Variants in KCP observed in about 807,000 individuals in gnomAD.
KCP encodes kielin cysteine rich BMP regulator, also known as kielin/chordin-like protein.
Under a neutral mutation model 212.7 loss-of-function variants are expected in KCP, and 194 were observed. The ratio of observed to expected loss-of-function variants is 0.91; its 90% CI spans 0.81 to 1.03. The LOEUF is 1.03. Among genes scored for constraint, KCP ranks in the 50% least tolerant of loss-of-function variants. The probability of loss-of-function intolerance (pLI) is 0.00; values close to 1 mark genes in which losing one functional copy is unlikely to be tolerated. For synonymous variants in KCP, 833 were observed against 865.3 expected (o/e 0.96, Z 0.65); for missense variants, 2,080 against 2,162.5 (o/e 0.96, Z 0.76).
At position 128,884,745 on chromosome 7, in the gene KCP, G is replaced by A. The variant is rs772365971; in HGVS notation, c.3123+36C>T. ...CCCATGCTGCCCACTCCCCCCCGAC[G>A]AGGTGCCCCAGCCCCACCACTGTGC... On this transcript the variant is annotated intron_variant, in intron 28 of 39. Transcript: ENST00000610776. The A allele has an allele frequency of 3.9e-6, 6 of 1,541,592 alleles. No homozygotes were observed. The Admixed American group carries it at 7.8e-5, about 20-fold the overall frequency.
chr7:128,890,845 CCGGGG>C (rs1055983437), intron 20 of KCP, 55 bp downstream of exon 20: 45 of 1,197,450 alleles, frequency 3.8e-5, no homozygotes, highest in South Asian at 7.4e-5. Flanking sequence ...GCAGGGCGCT[CCGGGG>C]CGGGGCGGGG....
chr7:128,898,712 ATTGTT>A (rs1794669008), intron 8 of KCP, among the ~76,000 whole-genome samples: 1 of 152,210 alleles, frequency 6.6e-6, no homozygotes, highest in South Asian at 2.1e-4. Context: ...GAGTTAAAGG[ATTGTT>A]TTAAGTTAGA....
intron 8 of KCP, among the ~76,000 whole-genome samples, chr7:128,900,739 A>G (rs1208661926): frequency 1.3e-5 from 2 of 152,218 alleles, no homozygotes; most frequent in African/African-American, 4.8e-5. Flanking sequence ...GCACCTCTGT[A>G]CCCTGAACAC....
Position 128,882,314 on chromosome 7 carries a change from G to A in KCP, c.3245-298C>T, listed in dbSNP as rs149254725. Among the ~76,000 whole-genome samples, 391 of 152,250 alleles carry A rather than the reference G, an allele frequency of 2.6e-3. 2 individuals are homozygous for A. Among genetic ancestry groups the A allele is most frequent in the African/African-American group, 9.1e-3 (379 of 41,540 alleles). On this transcript the variant is annotated intron_variant, in intron 29 of 39. Transcript: ENST00000610776. ...AGGTCACTAAAAATGGCCAGTCTGC[G>A]GCCTGCTCTCCCTCCCGCTATCTGT...
intron 7 of KCP, chr7:128,903,314 C>A (rs1794956605): frequency 3.5e-6 from 1 of 282,276 alleles, no homozygotes; most frequent in South Asian, 5.5e-5. Flanking sequence ...CTCCTGTGCC[C>A]AGGCTGGATT....
At chr7:128,886,375 A>C in intron 26 of KCP, 89 bp downstream of exon 26, 3 of 1,097,474 alleles carry the variant, frequency 2.7e-6, no homozygotes, top group Non-Finnish European at 3.9e-6. Context: ...AGGTGGGAGA[A>C]GAGCTGGCTG....
chr7:128,881,964 T>G lies in KCP; in HGVS notation c.3297A>C (p.Pro1099=), dbSNP rs1186384681. Residue 1099 remains proline, a synonymous_variant, in exon 30 of 40, where the codon CCA becomes CCC. Transcript: ENST00000610776. The part of the protein sequence containing the change: ...EGLLGSELAP[P]DPCYTCQCQD... ...GGCACTGGCACGTGTAGCAGGGGTC[T>G]GGTGGGGCTAGCTCAGATCCCAGCA... is the stretch of plus-strand genomic sequence containing the variant. 2 of 1,551,312 alleles carry G rather than the reference T, an allele frequency of 1.3e-6. No homozygotes were observed. The highest frequency in any genetic ancestry group is 2.0e-5 in the Admixed American group (1 of 50,988).
Position 128,886,617 on chromosome 7 carries a change from T to A in KCP, c.2772+38A>T, listed in dbSNP as rs1261194029. 1.9e-6 allele frequency: 3 copies of A among 1,550,504 alleles called. No individual in the cohort carries two copies. The African/African-American group carries it at 4.1e-5, about 21-fold the overall frequency. The stretch of plus-strand genomic sequence containing the variant: ...AGGCTGGGGCCCAGAGGTGCTATGG[T>A]CCAGCTGTCACTCCACACCCCCCAC... On this transcript the variant is annotated intron_variant, in intron 25 of 39. Transcript: ENST00000610776.
chr7:128,880,456 G>T lies in KCP; in HGVS notation c.3689C>A (p.Thr1230Asn), dbSNP rs1377202229. 6.5e-7 allele frequency: 1 copy of T among 1,547,600 alleles called. No homozygotes were observed. Among genetic ancestry groups the T allele is most frequent in the Non-Finnish European group, 8.7e-7 (1 of 1,145,242 alleles). Residue 1230 changes from threonine to asparagine, a missense_variant, in exon 34 of 40, where the codon ACC becomes AAC. Coordinates refer to ENST00000610776, the MANE Select transcript of KCP (RefSeq NM_001366122.1). ...GGTGCCCGCCATGCAGGAGCAGCTG[G>T]TGCAGGTGTCCACAGTCCAGCGCTC... ...SGERWTVDTC[T>N]SCSCMAGTVR...
At chr7:128,901,365 G>A (rs374024993) in intron 8 of KCP, among the ~76,000 whole-genome samples, 6 of 152,274 alleles carry the variant, frequency 3.9e-5, no homozygotes, top group African/African-American at 7.2e-5. Context: ...GGTGGCTCAC[G>A]CCTGTAATCC....
chr7:128,887,074 A>G, intron 23 of KCP, 108 bp from the exon 24 acceptor site: 1 of 1,030,346 alleles, frequency 9.7e-7, no homozygotes. Flanking sequence ...GGCCCGGGAC[A>G]CCTGAGCCCA....
chr7:128,903,877 G>C (rs1474292493), intron 6 of KCP, 57 bp from the exon 7 acceptor site: 1 of 1,301,522 alleles, frequency 7.7e-7, no homozygotes, highest in Non-Finnish European at 1.1e-6. Context: ...AGGGCTGGGT[G>C]GGCGGGTGTT....
At position 128,879,945 on chromosome 7, in the gene KCP, C is replaced by T. The variant is rs368063396; in HGVS notation, c.3900G>A (p.Val1300=). 63 of 1,550,878 alleles carry T rather than the reference C, an allele frequency of 4.1e-5. No individual in the cohort carries two copies. The highest frequency in any genetic ancestry group is 5.9e-5 in the Admixed American group (3 of 50,988). Residue 1300 remains valine (V), a synonymous_variant, in exon 35 of 40, where the codon GTG becomes GTA. Transcript: ENST00000610776. ...LLHFQGSCSY[V]LAKDCHSGDF... ...CCCCGCTGTGGCAGTCCTTGGCCAG[C>T]ACATAGCTGCAACTGCCCTGGAAGT...
intron 29 of KCP, among the ~76,000 whole-genome samples, chr7:128,883,279 A>G (rs1048675197): frequency 4.0e-4 from 61 of 151,882 alleles, no homozygotes; most frequent in African/African-American, 1.4e-3. Flanking sequence ...AGCTGGGACT[A>G]CAGGCATGCC....
At chr7:128,905,502 C>T (rs1010406381) in intron 5 of KCP, among the ~76,000 whole-genome samples, 14 of 152,116 alleles carry the variant, frequency 9.2e-5, no homozygotes, top group Non-Finnish European at 1.3e-4. Flanking sequence ...AGCCAGTCAC[C>T]GGCTCCTGCC....
chr7:128,887,026 C>T (rs780450895), intron 23 of KCP, 60 bp from the exon 24 acceptor site: 4 of 1,080,194 alleles, frequency 3.7e-6, no homozygotes, highest in Non-Finnish European at 5.5e-6. Context: ...AGGGCTGGAG[C>T]CCCTACTGAG....
intron 1 of KCP, 84 bp downstream of exon 1, chr7:128,910,516 GC>G: frequency 8.0e-7 from 1 of 1,251,400 alleles, no homozygotes; most frequent in African/African-American, 1.6e-5. Context: ...AGAGCCCCCA[GC>G]CCCTCTCGGC....
chr7:128,888,327 AACACACAC>A (rs760342030), intron 22 of KCP, among the ~76,000 whole-genome samples: 6 of 106,574 alleles, frequency 5.6e-5, no homozygotes, highest in African/African-American at 2.1e-4. Flanking sequence ...CACACAGAGC[AACACACAC>A]ACACACACAC....
intron 8 of KCP, among the ~76,000 whole-genome samples, chr7:128,895,396 T>A (rs895622424): frequency 2.5e-4 from 38 of 152,318 alleles, no homozygotes; most frequent in African/African-American, 8.9e-4. Flanking sequence ...CCCCATGGCC[T>A]GACCCCAAAA....
Sources: gnomAD v4.1 joint callset for allele counts (sites outside exome capture counted in the v4.1 genomes callset) on GRCh38, gnomAD v4.1.1 for gene constraint, MANE v1.5 for transcripts, NCBI Gene and HGNC (gene_info 2026-07-23, HGNC 2026-07-21) for gene names.